ZBTB46: variants seen among roughly 807,000 people sequenced by gnomAD.
ZBTB46 encodes zinc finger and BTB domain-containing protein 46.
Under a neutral mutation model 44.1 loss-of-function variants are expected in ZBTB46, and 8 were observed. The ratio of observed to expected loss-of-function variants is 0.18; its 90% CI spans 0.11 to 0.33. ZBTB46 has a LOEUF of 0.33. ZBTB46 is among the 10% of genes least tolerant of loss of function. The pLI is 1.00. For synonymous variants in ZBTB46, 409 were observed against 382.3 expected, an observed-to-expected ratio of 1.07 and a Z score of -0.81; for missense variants, 651 against 847.7, an observed-to-expected ratio of 0.77 and a Z score of 2.88.
chr20:63,752,949 G>A lies in ZBTB46; in HGVS notation c.1223-88C>T. The stretch of plus-strand genomic sequence containing the variant: ...GACCACGGCTGCACGCCGCAGCCCA[G>A]CAGCCAGGACGGGCTGTCTCCCACG... On this transcript the variant is annotated intron_variant, in intron 3 of 4. Coordinates refer to ENST00000245663, the MANE Select transcript of ZBTB46 (RefSeq NM_001369741.1). This position sits in a 1 kb window ranked among gnomAD's most constrained non-coding sequence, Gnocchi z 5.6. 1.4e-6 allele frequency: 2 copies of A among 1,441,910 alleles called. No homozygotes were observed. The highest frequency in any genetic ancestry group is 2.1e-5 in the Admixed American group (1 of 46,712). 89.3% of individuals were successfully genotyped at this position (1,441,910 alleles called of 1,614,324 possible). A position where few individuals can be genotyped will look rare whatever the true frequency, so the allele number is the denominator to read the frequency against.
chr20:63,831,691 C>G (rs1411674809), upstream of ZBTB46, among the ~76,000 whole-genome samples: 2 of 150,626 alleles, frequency 1.3e-5, no homozygotes, highest in Non-Finnish European at 3.0e-5. Context: ...GCGACCCCGG[C>G]GAGGGCACCC....
intron 3 of ZBTB46, among the ~76,000 whole-genome samples, chr20:63,754,745 G>A (rs1039735781): frequency 1.3e-5 from 2 of 151,850 alleles, no homozygotes; most frequent in Admixed American, 6.6e-5. Context: ...GACTACAGGC[G>A]CCCGCCACCA....
intron 3 of ZBTB46, among the ~76,000 whole-genome samples, chr20:63,754,125 C>T (rs1408192649): frequency 1.3e-5 from 2 of 152,350 alleles, no homozygotes; most frequent in South Asian, 2.1e-4. Context: ...CAGAAAACCC[C>T]GGAGGCCCCG....
At position 63,800,586 on chromosome 20, in the gene ZBTB46, G is replaced by A. The variant is rs189233565; in HGVS notation, c.-33-9796C>T. On this transcript the variant is annotated intron_variant, in intron 1 of 4. Coordinates refer to ENST00000245663, the MANE Select transcript of ZBTB46 (RefSeq NM_001369741.1). ...AGGGAGAGGCGTGGGCGGGAACCGG[G>A]GCTGCGTGCGGCGCTTGCGGGCCAG... Among the ~76,000 whole-genome samples the A allele has an allele frequency of 8.0e-3, 1,224 of 152,366 alleles. 17 individuals carry two copies. The highest frequency in any genetic ancestry group is 0.028 in the African/African-American group (1,172 of 41,592).
At chr20:63,806,554 G>A (rs973940876) in intron 1 of ZBTB46, among the ~76,000 whole-genome samples, 3 of 152,106 alleles carry the variant, frequency 2.0e-5, no homozygotes, top group East Asian at 1.9e-4. Context: ...TAAATAAGAA[G>A]GTTGTAATAC....
intron 2 of ZBTB46, 54 bp downstream of exon 2, chr20:63,789,767 T>C (rs893768956): frequency 2.5e-5 from 39 of 1,554,370 alleles, no homozygotes; most frequent in Non-Finnish European, 3.4e-5. Flanking sequence ...CACGCGGCCG[T>C]GAGGCCTGGA....
Position 63,752,583 on chromosome 20 carries a change from C to G in ZBTB46, c.1398+103G>C, listed in dbSNP as rs1358954563. ...TGTCGTCCCCCCTGTGCAGAGTGGA[C>G]CCGGTGTGGGGTCCGGGGCGGTCTG... On this transcript the variant is annotated intron_variant, in intron 4 of 4. Transcript: ENST00000245663. This position sits in a 1 kb window ranked among gnomAD's most constrained non-coding sequence, Gnocchi z 5.6. 5 of 1,345,874 alleles carry G rather than the reference C, an allele frequency of 3.7e-6. No individual in the cohort carries two copies. Among genetic ancestry groups the G allele is most frequent in the Non-Finnish European group, 4.8e-6 (5 of 1,032,240 alleles). 83.4% of individuals were successfully genotyped at this position (1,345,874 alleles called of 1,614,324 possible). A position where few individuals can be genotyped will look rare whatever the true frequency, so the allele number is the denominator to read the frequency against.
At chr20:63,804,223 GC>G (rs2092667307) in intron 1 of ZBTB46, among the ~76,000 whole-genome samples, 1 of 152,170 alleles carries the variant, frequency 6.6e-6, no homozygotes. Flanking sequence ...CGCAGGGGAA[GC>G]CTGGAGCAGT....
chr20:63,792,199 G>T (rs2092566690), intron 1 of ZBTB46, among the ~76,000 whole-genome samples: 1 of 152,156 alleles, frequency 6.6e-6, no homozygotes, highest in African/African-American at 2.4e-5. Context: ...TAGGGGGCTA[G>T]AACTTCCACA....
At position 63,790,132 on chromosome 20, in the gene ZBTB46, T is replaced by A. The variant is rs146183314; in HGVS notation, c.626A>T (p.Asp209Val). ...CCATAGAGGCTGTGAAGAAACATCATCAGGGCCATCGGCCTTGGGCTCCTG... is the reference window on the plus strand; with the variant it reads ...CCATAGAGGCTGTGAAGAAACATCAACAGGGCCATCGGCCTTGGGCTCCTG... ...EDQEPKADGP[D>V]DVSSQPLWPG... The change falls in exon 2 of 5, where the codon GAT (aspartate) becomes GTT (valine). Residue 209 changes from aspartate (D) to valine (V), a missense_variant. This residue lies in a region of ZBTB46 where 385 missense variants were observed against 423.3 expected (regional missense o/e 0.91). Coordinates refer to ENST00000245663, the MANE Select transcript of ZBTB46 (RefSeq NM_001369741.1). The A allele has an allele frequency of 6.9e-5, 111 of 1,614,004 alleles. 1 individual carries two copies. In the South Asian group the frequency reaches 1.2e-3, roughly 17 times the overall value.
chr20:63,757,335 C>T (rs1216977520), intron 3 of ZBTB46, among the ~76,000 whole-genome samples: 1 of 152,164 alleles, frequency 6.6e-6, no homozygotes, highest in Non-Finnish European at 1.5e-5. Flanking sequence ...GTTGGCCAGG[C>T]TGGTCTCGAA....
chr20:63,803,766 G>T lies in ZBTB46; in HGVS notation c.-33-12976C>A, dbSNP rs1012151650. ...TCTGTCCCCCAGGCTGGAGTGCAGT[G>T]GCGCAATCTCGGCTCACTGCAGCCT... On this transcript the variant is annotated intron_variant, in intron 1 of 4. Coordinates refer to ENST00000245663, the MANE Select transcript of ZBTB46 (RefSeq NM_001369741.1). This position sits in a 1 kb window ranked among gnomAD's most constrained non-coding sequence, Gnocchi z 4.0. Among the ~76,000 whole-genome samples, 1 of 152,152 alleles carries T rather than the reference G, an allele frequency of 6.6e-6. No homozygotes were observed. The highest frequency in any genetic ancestry group is 6.5e-5 in the Admixed American group (1 of 15,276).
chr20:63,802,519 C>T (rs937478948), intron 1 of ZBTB46, among the ~76,000 whole-genome samples: 11 of 152,058 alleles, frequency 7.2e-5, no homozygotes, highest in Non-Finnish European at 1.5e-4. Context: ...AAAGCGGCAG[C>T]GGCGGAGGCC....
At chr20:63,815,716 G>A (rs556471398) in intron 1 of ZBTB46, among the ~76,000 whole-genome samples, 1 of 146,728 alleles carries the variant, frequency 6.8e-6, no homozygotes, top group Non-Finnish European at 1.5e-5. Flanking sequence ...CGCAGGTCGA[G>A]TGGGTGCAGG....
intron 1 of ZBTB46, among the ~76,000 whole-genome samples, chr20:63,807,296 G>T (rs187046633): frequency 1.1e-3 from 165 of 152,202 alleles, no homozygotes; most frequent in African/African-American, 3.6e-3. Context: ...TTCTTTCATT[G>T]GAAGTTTTTT....
intron 3 of ZBTB46, among the ~76,000 whole-genome samples, chr20:63,757,170 C>T (rs567675379): frequency 6.6e-6 from 1 of 152,316 alleles, no homozygotes; most frequent in African/African-American, 2.4e-5. Flanking sequence ...GTCACCCAGG[C>T]TGGAGTGCAG....
chr20:63,771,394 G>A (rs1258210350), intron 3 of ZBTB46, among the ~76,000 whole-genome samples: 1 of 152,170 alleles, frequency 6.6e-6, no homozygotes, highest in African/African-American at 2.4e-5. Flanking sequence ...AAGGAGGGGA[G>A]GGAGAGAGGG....
intron 1 of ZBTB46, among the ~76,000 whole-genome samples, chr20:63,815,670 G>A (rs1480088187): frequency 8.6e-5 from 13 of 150,298 alleles, no homozygotes; most frequent in African/African-American, 3.2e-4. Context: ...GTGAGTGCAG[G>A]TGGGCATAGG....
chr20:63,785,300 C>T (rs1434619315), intron 2 of ZBTB46, among the ~76,000 whole-genome samples: 1 of 151,130 alleles, frequency 6.6e-6, no homozygotes, highest in Non-Finnish European at 1.5e-5. Context: ...CTGGCTCACG[C>T]CTGTAATCCC....
Sources: gnomAD v4.1 joint callset for allele counts (sites outside exome capture counted in the v4.1 genomes callset) on GRCh38, gnomAD v4.1.1 for gene constraint, gnomAD v4.1.1 regional missense constraint, Gnocchi (gnomAD v3.1) non-coding constraint, MANE v1.5 for transcripts, NCBI Gene and HGNC (gene_info 2026-07-23, HGNC 2026-07-21) for gene names.